STK3: variants seen among roughly 807,000 people sequenced by gnomAD.
The protein encoded by STK3 is serine/threonine-protein kinase 3.
In STK3, 41 loss-of-function variants were observed where a neutral mutation model predicts 58.0. That is an observed-to-expected ratio of 0.71 (90% CI 0.55 to 0.92). The LOEUF (loss-of-function observed/expected upper bound fraction) is 0.92, where lower values mean the gene tolerates loss of function less well. Among genes scored for constraint, STK3 ranks in the 40% least tolerant of loss-of-function variants. The pLI is 0.00. For missense variants in STK3, 479 were observed against 602.7 expected (o/e 0.79, Z 2.15); for synonymous variants, 170 against 191.0 (o/e 0.89, Z 0.91).
intron 6 of STK3, among the ~76,000 whole-genome samples, chr8:98,624,443 G>T (rs76474203): frequency 0.011 from 1,621 of 152,204 alleles, 42 homozygotes; most frequent in African/African-American, 0.037. Context: ...CATAGAGTTG[G>T]TCAGATAGTA....
At chr8:98,427,694 G>A in intron 3 of STK3, 1 of 292,692 alleles carries the variant, frequency 3.4e-6, no homozygotes, top group Non-Finnish European at 6.4e-6. Context: ...TCAGAGCCGC[G>A]GGGACGCGAC....
intron 1 of STK3, among the ~76,000 whole-genome samples, chr8:98,792,769 CA>C (rs1171355290): frequency 8.5e-5 from 13 of 152,226 alleles, no homozygotes; most frequent in African/African-American, 3.1e-4. Flanking sequence ...GGTATCTACC[CA>C]GAGGAAAAGA....
intron 6 of STK3, among the ~76,000 whole-genome samples, chr8:98,679,402 A>T (rs981457589): frequency 6.6e-6 from 1 of 152,134 alleles, no homozygotes; most frequent in Non-Finnish European, 1.5e-5. Context: ...CATCTTCTCA[A>T]TGAGGCCTTC....
intron 4 of STK3, among the ~76,000 whole-genome samples, chr8:98,744,556 G>C (rs1229800546): frequency 1.5e-5 from 2 of 132,288 alleles, no homozygotes; most frequent in Non-Finnish European, 3.1e-5. Context: ...CACAGGAAGG[G>C]GAACATCGCA....
chr8:98,494,427 A>G (rs916352371), intron 10 of STK3, among the ~76,000 whole-genome samples: 32 of 152,174 alleles, frequency 2.1e-4, no homozygotes, highest in African/African-American at 7.5e-4. Flanking sequence ...CCATTAAACA[A>G]TGATCTTATT....
intron 1 of STK3, among the ~76,000 whole-genome samples, chr8:98,442,742 A>G (rs1818742882): frequency 6.6e-6 from 1 of 152,258 alleles, no homozygotes; most frequent in Non-Finnish European, 1.5e-5. Context: ...TATAAAATAA[A>G]GAACTAGAAC....
At chr8:98,559,182 A>G (rs561783544) in intron 8 of STK3, among the ~76,000 whole-genome samples, 1 of 152,306 alleles carries the variant, frequency 6.6e-6, no homozygotes, top group South Asian at 2.1e-4. Flanking sequence ...CTTAATGATG[A>G]GTAAAAGTCA....
At chr8:98,629,012 AG>A (rs1472480443) in intron 6 of STK3, among the ~76,000 whole-genome samples, 1 of 152,132 alleles carries the variant, frequency 6.6e-6, no homozygotes, top group Non-Finnish European at 1.5e-5. Flanking sequence ...GTAAAGGCCA[AG>A]TGAGGAATTT....
At chr8:98,853,708 G>A (rs1836564623) in intron 3 of STK3, among the ~76,000 whole-genome samples, 1 of 152,162 alleles carries the variant, frequency 6.6e-6, no homozygotes, top group East Asian at 1.9e-4. Flanking sequence ...ATAATGAAGT[G>A]GGGAAGCTCA....
intron 1 of STK3, among the ~76,000 whole-genome samples, chr8:98,820,794 G>T (rs561560909): frequency 1.3e-4 from 20 of 152,210 alleles, no homozygotes; most frequent in South Asian, 6.2e-4. Flanking sequence ...TGGCTAACAC[G>T]GTAAAACCCC....
intron 4 of STK3, chr8:98,722,777 G>T: frequency 3.3e-6 from 1 of 299,026 alleles, no homozygotes; most frequent in Non-Finnish European, 6.6e-6. Context: ...CATGAGGCTG[G>T]ATAGGTCCAT....
chr8:98,825,089 G>A (rs1001783858), intron 1 of STK3, among the ~76,000 whole-genome samples: 5 of 152,190 alleles, frequency 3.3e-5, no homozygotes, highest in Non-Finnish European at 4.4e-5. Context: ...AACTATATTG[G>A]GGGAGGGGGT....
intron 4 of STK3, among the ~76,000 whole-genome samples, chr8:98,714,497 C>G (rs1386017210): frequency 6.6e-6 from 1 of 152,152 alleles, no homozygotes; most frequent in Non-Finnish European, 1.5e-5. Context: ...AACAGACAAA[C>G]AGAGAGACAA....
intron 2 of STK3, among the ~76,000 whole-genome samples, chr8:98,375,292 A>T (rs111647779): frequency 2.7e-5 from 4 of 150,854 alleles, no homozygotes; most frequent in Non-Finnish European, 4.4e-5. Flanking sequence ...AAAAAAAAAA[A>T]CCTATTATAC....
intron 4 of STK3, among the ~76,000 whole-genome samples, chr8:98,722,357 C>G (rs189783766): frequency 1.3e-5 from 2 of 152,122 alleles, no homozygotes; most frequent in South Asian, 4.2e-4. Flanking sequence ...TCAATGGTGC[C>G]AAATGAACTT....
At chr8:98,880,991 T>C (rs943252947), downstream of STK3, 1 of 152,214 alleles carries the variant, frequency 6.6e-6, no homozygotes, top group African/African-American at 2.4e-5. Flanking sequence ...CCCAAACTTA[T>C]GACTAACCCA....
At chr8:98,592,733 CTTTATTTATTTATTTATTTA>C (rs10557286) in intron 7 of STK3, among the ~76,000 whole-genome samples, 15 of 139,548 alleles carry the variant, frequency 1.1e-4, no homozygotes, top group African/African-American at 2.9e-4. Context: ...CACTGACTTA[CTTTATTTATTTATTTATTTA>C]TTTATTTATT....
At chr8:98,839,427 G>A (rs564031632) in intron 3 of STK3, among the ~76,000 whole-genome samples, 30 of 152,272 alleles carry the variant, frequency 2.0e-4, no homozygotes, top group African/African-American at 7.2e-4. Flanking sequence ...GAAGTAAAGG[G>A]AGAAAGACTG....
At chr8:98,412,953 A>G in intron 3 of STK3, 1 of 270,310 alleles carries the variant, frequency 3.7e-6, no homozygotes, top group East Asian at 1.3e-4. Context: ...CAGGCACTGG[A>G]GCATCTGGCC....
Sources: gnomAD v4.1 joint callset for allele counts (sites outside exome capture counted in the v4.1 genomes callset) on GRCh38, gnomAD v4.1.1 for gene constraint, MANE v1.5 for transcripts, NCBI Gene and HGNC (gene_info 2026-07-23, HGNC 2026-07-21) for gene names.